Variants in CDH19 observed in about 807,000 individuals in gnomAD.
CDH19 encodes the protein cadherin 19, also known as cadherin-19.
A neutral mutation model predicts 64.2 loss-of-function variants in CDH19; 67 were observed. The observed-to-expected ratio is 1.04, with a 90% confidence interval of 0.86 to 1.28. CDH19 has a LOEUF of 1.28. CDH19 is among the 50% of genes most tolerant of loss of function. CDH19 has a pLI of 0.00. For missense variants in CDH19, 1,030 were observed against 929.0 expected, an observed-to-expected ratio of 1.11 and a Z score of -1.41; for synonymous variants, 346 against 319.3, an observed-to-expected ratio of 1.08 and a Z score of -0.89.
chr18:66,516,305 C>T (rs893276662), intron 9 of CDH19, among the ~76,000 whole-genome samples: 6 of 151,786 alleles, frequency 4.0e-5, no homozygotes, highest in East Asian at 1.9e-4. Context: ...GAATCTAGTC[C>T]GCAAGCTATT....
intron 9 of CDH19, among the ~76,000 whole-genome samples, chr18:66,519,817 A>T (rs1363912201): frequency 1.3e-5 from 2 of 152,164 alleles, no homozygotes; most frequent in African/African-American, 2.4e-5. Flanking sequence ...CTCAAAGGGT[A>T]AAAGAGGCAA....
At chr18:66,580,168 T>C (rs548149803) in intron 1 of CDH19, among the ~76,000 whole-genome samples, 40 of 152,124 alleles carry the variant, frequency 2.6e-4, no homozygotes, top group African/African-American at 9.1e-4. Flanking sequence ...CAGCTATTGA[T>C]GACAATGTAT....
At chr18:66,568,029 A>G (rs954620121) in intron 3 of CDH19, among the ~76,000 whole-genome samples, 6 of 151,816 alleles carry the variant, frequency 4.0e-5, no homozygotes, top group Non-Finnish European at 8.8e-5. Context: ...TAATAAATTC[A>G]CTTTTCCTAT....
At chr18:66,597,074 T>A (rs1599047164) in intron 1 of CDH19, among the ~76,000 whole-genome samples, 1 of 61,948 alleles carries the variant, frequency 1.6e-5, no homozygotes, top group Admixed American at 2.5e-4. Flanking sequence ...AGAGCGAGAC[T>A]CCATCTCAAA....
At chr18:66,510,411 T>C (rs1476245577) in intron 10 of CDH19, among the ~76,000 whole-genome samples, 3 of 149,408 alleles carry the variant, frequency 2.0e-5, no homozygotes, top group African/African-American at 4.9e-5. Context: ...TAATTTATTT[T>C]ATATTAATAT....
At chr18:66,541,265 G>T (rs1986875430) in intron 7 of CDH19, among the ~76,000 whole-genome samples, 1 of 152,076 alleles carries the variant, frequency 6.6e-6, no homozygotes, top group Non-Finnish European at 1.5e-5. Context: ...ATGAATTGGG[G>T]CTAATTTACT....
At position 66,504,761 on chromosome 18, in the gene CDH19, T is replaced by A. The variant is rs772352362; in HGVS notation, c.*51A>T. ...GGCACAAAACTCTTTAAGACTACCA[T>A]TGGGTTCGAATACACATTAGCACTT... On this transcript the variant is annotated 3_prime_UTR_variant, in exon 12 of 12. Coordinates refer to ENST00000262150, the MANE Select transcript of CDH19 (RefSeq NM_021153.4). The A allele has an allele frequency of 6.5e-7, 1 of 1,529,162 alleles. No homozygotes were observed. Among genetic ancestry groups the A allele is most frequent in the Non-Finnish European group, 8.8e-7 (1 of 1,134,670 alleles). The allele number at this position is 1,529,162 out of a possible 1,614,324, so 94.7% of individuals were successfully genotyped here. A position where few individuals can be genotyped will look rare whatever the true frequency, so the allele number is the denominator to read the frequency against.
chr18:66,590,318 A>C (rs2144625377), intron 1 of CDH19, among the ~76,000 whole-genome samples: 1 of 152,012 alleles, frequency 6.6e-6, no homozygotes, highest in South Asian at 2.1e-4. Context: ...TCCTTAATTG[A>C]CTTGTCTTAC....
At chr18:66,538,571 T>C (rs147708858) in intron 7 of CDH19, among the ~76,000 whole-genome samples, 1 of 152,270 alleles carries the variant, frequency 6.6e-6, no homozygotes, top group East Asian at 1.9e-4. Context: ...TTGGAGATCA[T>C]GTATAAAGCT....
At chr18:66,531,728 G>A (rs1276840164) in intron 8 of CDH19, among the ~76,000 whole-genome samples, 1 of 152,080 alleles carries the variant, frequency 6.6e-6, no homozygotes, top group Non-Finnish European at 1.5e-5. Flanking sequence ...TGCCTCAGTT[G>A]GCATTCTGAA....
intron 3 of CDH19, among the ~76,000 whole-genome samples, chr18:66,561,950 T>A (rs1452126881): frequency 1.3e-5 from 2 of 152,044 alleles, no homozygotes; most frequent in Non-Finnish European, 2.9e-5. Flanking sequence ...AGTTTCCAAA[T>A]CTTGGCAACT....
chr18:66,556,599 T>C (rs2144530390), intron 3 of CDH19, among the ~76,000 whole-genome samples: 1 of 152,072 alleles, frequency 6.6e-6, no homozygotes, highest in African/African-American at 2.4e-5. Flanking sequence ...TGGTAAGATT[T>C]TCTTCTTTGA....
chr18:66,509,615 A>T (rs1445127154), intron 10 of CDH19, among the ~76,000 whole-genome samples: 1 of 151,760 alleles, frequency 6.6e-6, no homozygotes, highest in Non-Finnish European at 1.5e-5. Context: ...TAACACAGAA[A>T]ATGGCTTTTT....
chr18:66,572,565 G>C (rs188752504), intron 1 of CDH19, among the ~76,000 whole-genome samples: 6 of 151,704 alleles, frequency 4.0e-5, no homozygotes, highest in Non-Finnish European at 8.8e-5. Context: ...AAAGTTGAAA[G>C]ATTGCTCTGG....
intron 3 of CDH19, among the ~76,000 whole-genome samples, chr18:66,556,110 C>CT (rs1041394276): frequency 6.6e-6 from 1 of 151,484 alleles, no homozygotes; most frequent in Non-Finnish European, 1.5e-5. Flanking sequence ...CAGTTAGGTT[C>CT]TTTTTTCCAG....
At chr18:66,550,071 G>A (rs978073405) in intron 5 of CDH19, among the ~76,000 whole-genome samples, 2 of 152,132 alleles carry the variant, frequency 1.3e-5, no homozygotes, top group African/African-American at 4.8e-5. Flanking sequence ...AAGAAATCAT[G>A]CTATGGTATA....
chr18:66,584,448 A>C (rs186005006), intron 1 of CDH19, among the ~76,000 whole-genome samples: 8 of 152,188 alleles, frequency 5.3e-5, no homozygotes, highest in Admixed American at 1.3e-4. Context: ...GAAAGCAGTA[A>C]GGCAATTTCT....
intron 1 of CDH19, among the ~76,000 whole-genome samples, chr18:66,573,236 G>A (rs895880648): frequency 4.0e-5 from 6 of 151,728 alleles, no homozygotes; most frequent in South Asian, 2.1e-4. Flanking sequence ...TCACAATGGA[G>A]TTTAATGTCA....
chr18:66,566,867 T>C (rs1395378621), intron 3 of CDH19, among the ~76,000 whole-genome samples: 1 of 151,890 alleles, frequency 6.6e-6, no homozygotes, highest in Non-Finnish European at 1.5e-5. Context: ...AGGGATCTCA[T>C]TCATTGCCAT....
Sources: allele counts gnomAD v4.1 joint callset (sites outside exome capture counted in the v4.1 genomes callset), GRCh38; gene constraint gnomAD v4.1.1; transcripts MANE v1.5; gene names NCBI Gene and HGNC (gene_info 2026-07-23, HGNC 2026-07-21).